The following ATRNL1 variants were observed in gnomAD, a reference collection of about 807,000 sequenced individuals.
ATRNL1 encodes attractin like 1.
A neutral mutation model predicts 182.7 loss-of-function variants in ATRNL1; 95 were observed. The ratio of observed to expected loss-of-function variants is 0.52; its 90% confidence interval spans 0.44 to 0.62. The LOEUF is 0.62. Among genes scored for constraint, ATRNL1 ranks in the 20% least tolerant of loss-of-function variants. The pLI, the probability that ATRNL1 is intolerant of heterozygous loss-of-function variation, is 0.00. For missense variants in ATRNL1, 1,471 were observed against 1,679.5 expected (o/e 0.88, Z 2.17); for synonymous variants, 576 against 568.3 (o/e 1.01, Z -0.19).
At chr10:115,767,756 C>G (rs1209646141) in intron 27 of ATRNL1, among the ~76,000 whole-genome samples, 1 of 152,106 alleles carries the variant, frequency 6.6e-6, no homozygotes, top group Non-Finnish European at 1.5e-5. Flanking sequence ...ACTCTAATCT[C>G]TTTTATCACT....
At chr10:115,705,653 C>T (rs2420107) in intron 26 of ATRNL1, among the ~76,000 whole-genome samples, 57,014 of 151,370 alleles carry the variant, frequency 0.38, 11,608 homozygotes, top group East Asian at 0.65. Context: ...AAGATTACTG[C>T]ACTATAGATT....
chr10:115,227,953 G>T (rs1182226761), intron 9 of ATRNL1, among the ~76,000 whole-genome samples: 1 of 152,118 alleles, frequency 6.6e-6, no homozygotes, highest in Admixed American at 6.6e-5. Flanking sequence ...GTATTTGAAT[G>T]AGTAGCAGCA....
chr10:115,356,191 A>G (rs1554942782), intron 19 of ATRNL1, among the ~76,000 whole-genome samples: 1 of 152,060 alleles, frequency 6.6e-6, no homozygotes, highest in Admixed American at 6.6e-5. Context: ...TTATTCAGAG[A>G]AGCAGAAAAT....
chr10:115,532,113 C>T (rs1263077514), intron 25 of ATRNL1, among the ~76,000 whole-genome samples: 2 of 151,670 alleles, frequency 1.3e-5, no homozygotes, highest in African/African-American at 4.8e-5. Context: ...GCGATGCGGG[C>T]TCTTTTTTGG....
Position 115,404,815 on chromosome 10 carries a change from C to CTTTTT in ATRNL1, c.3269+10076_3269+10080dup, listed in dbSNP as rs11408585. 9.0e-3 allele frequency among the ~76,000 whole-genome samples: 1,232 copies of CTTTTT among 136,586 alleles called. 10 individuals carry two copies. The highest frequency in any genetic ancestry group is 0.017 in the African/African-American group (609 of 36,398). The allele number at this position is 136,586 out of a possible 152,430, so 89.6% of individuals were successfully genotyped here. On this transcript the variant is annotated intron_variant, in intron 20 of 28. Transcript: ENST00000355044. ...CTTAAAACTTGCAAAAACCTCCCAG[C>CTTTTT]TTTTTTTTTTTTTTTTTAAATCAAA... is the stretch of plus-strand genomic sequence containing the variant.
chr10:115,652,821 A>G (rs1860096290), intron 26 of ATRNL1, among the ~76,000 whole-genome samples: 1 of 152,086 alleles, frequency 6.6e-6, no homozygotes, highest in Non-Finnish European at 1.5e-5. Context: ...TTCTGAGGTT[A>G]TCTTATGTTT....
chr10:115,305,068 A>G (rs1297749989), intron 17 of ATRNL1, among the ~76,000 whole-genome samples: 1 of 151,666 alleles, frequency 6.6e-6, no homozygotes, highest in Non-Finnish European at 1.5e-5. Context: ...TAGTATGTTG[A>G]AGCCTGTAAG....
chr10:115,343,435 G>T (rs566274154), intron 19 of ATRNL1, among the ~76,000 whole-genome samples: 2 of 151,894 alleles, frequency 1.3e-5, no homozygotes, highest in Non-Finnish European at 2.9e-5. Flanking sequence ...TTCCATATGC[G>T]AATTACATCT....
At chr10:115,727,207 T>C in intron 26 of ATRNL1, 41 bp from the exon 27 acceptor site, 1 of 1,434,422 alleles carries the variant, frequency 7.0e-7, no homozygotes, top group South Asian at 1.1e-5. Context: ...TCATGTGCTT[T>C]TAAACCTATT....
chr10:115,447,385 CTAA>C (rs1248407220), intron 21 of ATRNL1, among the ~76,000 whole-genome samples: 7 of 151,316 alleles, frequency 4.6e-5, no homozygotes, highest in African/African-American at 1.7e-4. Context: ...CCTTATTATG[CTAA>C]TGTTATTTGT....
intron 25 of ATRNL1, among the ~76,000 whole-genome samples, chr10:115,522,850 A>G (rs1227140209): frequency 1.3e-5 from 2 of 152,220 alleles, no homozygotes; most frequent in African/African-American, 4.8e-5. Context: ...AACATGCTGC[A>G]TGAAAATCCA....
At chr10:115,740,995 A>G (rs1381553921) in intron 27 of ATRNL1, among the ~76,000 whole-genome samples, 4 of 152,088 alleles carry the variant, frequency 2.6e-5, no homozygotes, top group African/African-American at 9.7e-5. Flanking sequence ...GCTCAGTTTT[A>G]TTTTTCCATA....
At chr10:115,608,729 A>C (rs1413390519) in intron 26 of ATRNL1, among the ~76,000 whole-genome samples, 2 of 152,080 alleles carry the variant, frequency 1.3e-5, no homozygotes, top group Non-Finnish European at 2.9e-5. Context: ...CCTATTATGA[A>C]AACGTTAGTT....
intron 26 of ATRNL1, among the ~76,000 whole-genome samples, chr10:115,563,881 A>G (rs910090553): frequency 6.6e-5 from 10 of 152,068 alleles, no homozygotes; most frequent in Non-Finnish European, 1.2e-4. Flanking sequence ...GTGATTCTCA[A>G]CCAAAGAGGA....
chr10:115,444,340 C>T (rs782118197), intron 21 of ATRNL1, among the ~76,000 whole-genome samples: 4 of 151,778 alleles, frequency 2.6e-5, no homozygotes, highest in Non-Finnish European at 5.9e-5. Flanking sequence ...CAGGGATAGG[C>T]ATAGTCACTG....
At chr10:115,872,395 G>A (rs1951605842) in intron 28 of ATRNL1, among the ~76,000 whole-genome samples, 1 of 152,164 alleles carries the variant, frequency 6.6e-6, no homozygotes, top group Non-Finnish European at 1.5e-5. Context: ...TTTGTGTTTA[G>A]ACTAGCCTAT....
intron 26 of ATRNL1, among the ~76,000 whole-genome samples, chr10:115,627,492 G>A (rs1460049763): frequency 6.6e-6 from 1 of 151,994 alleles, no homozygotes; most frequent in Non-Finnish European, 1.5e-5. Flanking sequence ...AGCCTCCCGA[G>A]TAACTGAGAT....
intron 8 of ATRNL1, among the ~76,000 whole-genome samples, chr10:115,203,001 T>C (rs1848648561): frequency 6.6e-6 from 1 of 152,048 alleles, no homozygotes; most frequent in South Asian, 2.1e-4. Context: ...TTCTTCTAGA[T>C]TTTCTAGTTT....
intron 5 of ATRNL1, among the ~76,000 whole-genome samples, chr10:115,130,920 C>T (rs1395121245): frequency 6.6e-6 from 1 of 152,108 alleles, no homozygotes; most frequent in African/African-American, 2.4e-5. Flanking sequence ...GTATAACATT[C>T]TCTGTGAACA....
Sources: allele counts gnomAD v4.1 joint callset (sites outside exome capture counted in the v4.1 genomes callset), GRCh38; gene constraint gnomAD v4.1.1; transcripts MANE v1.5; gene names NCBI Gene and HGNC (gene_info 2026-07-23, HGNC 2026-07-21).